Variants in PDGFD observed in about 807,000 individuals in gnomAD.
PDGFD encodes platelet-derived growth factor D.
A neutral mutation model predicts 44.7 loss-of-function variants in PDGFD; 30 were observed. The observed-to-expected ratio is 0.67, with a 90% CI of 0.50 to 0.91. PDGFD has a LOEUF of 0.91. PDGFD is among the 40% of genes least tolerant of loss of function. The pLI, the probability that PDGFD is intolerant of heterozygous loss-of-function variation, is 0.00. For synonymous variants in PDGFD, 173 were observed against 168.4 expected (o/e 1.03, Z -0.21); for missense variants, 445 against 457.8 (o/e 0.97, Z 0.25).
chr11:104,051,296 C>T (rs1252958244), intron 1 of PDGFD, among the ~76,000 whole-genome samples: 1 of 151,986 alleles, frequency 6.6e-6, no homozygotes, highest in Non-Finnish European at 1.5e-5. Flanking sequence ...CCACAAGGAC[C>T]CCAACATGAA....
chr11:104,119,049 T>TATATAATATATC lies in PDGFD; in HGVS notation c.124+44754_124+44755insGATATATTATAT, dbSNP rs1861698852. On this transcript the variant is annotated intron_variant, in intron 1 of 6. Transcript: ENST00000393158. ...TATATCGATATAATATATAATATAT[T>TATATAATATATC]GATATATTAATATAATATATTGGTA... Among the ~76,000 whole-genome samples, 2 of 720 alleles carry TATATAATATATC rather than the reference T, an allele frequency of 2.8e-3. 1 individual carries two copies. Among genetic ancestry groups the TATATAATATATC allele is most frequent in the Non-Finnish European group, 5.0e-3 (2 of 402 alleles). 0.5% of individuals were successfully genotyped at this position (720 alleles called of 152,430 possible).
intron 3 of PDGFD, among the ~76,000 whole-genome samples, chr11:103,992,366 T>C (rs762404091): frequency 6.6e-6 from 1 of 152,224 alleles, no homozygotes; most frequent in African/African-American, 2.4e-5. Context: ...GACAGATATA[T>C]ACATAATTTG....
chr11:103,919,283 T>A (rs763945050), intron 6 of PDGFD, among the ~76,000 whole-genome samples: 3 of 152,184 alleles, frequency 2.0e-5, no homozygotes, highest in Admixed American at 6.5e-5. Context: ...CCAATAAACG[T>A]CTGAATAAAT....
chr11:103,937,380 G>C (rs1858505757), intron 5 of PDGFD, among the ~76,000 whole-genome samples: 1 of 152,034 alleles, frequency 6.6e-6, no homozygotes, highest in Admixed American at 6.6e-5. Flanking sequence ...ATAAGAAAAA[G>C]AACAGATCTT....
intron 1 of PDGFD, among the ~76,000 whole-genome samples, chr11:104,059,314 T>C (rs1204391100): frequency 6.6e-6 from 1 of 152,214 alleles, no homozygotes; most frequent in African/African-American, 2.4e-5. Flanking sequence ...AAATACAATC[T>C]TCATATGTAA....
chr11:103,920,878 A>G (rs1184938900), intron 6 of PDGFD, among the ~76,000 whole-genome samples: 1 of 152,184 alleles, frequency 6.6e-6, no homozygotes, highest in Non-Finnish European at 1.5e-5. Context: ...TCAACCACCA[A>G]TTTGTTTTTA....
At position 104,036,625 on chromosome 11, in the gene PDGFD, G is replaced by A. The variant is rs940646000; in HGVS notation, c.125-36370C>T. 63 of 597,424 alleles carry A rather than the reference G, an allele frequency of 1.1e-4. No individual in the cohort carries two copies. The East Asian group carries it at 1.7e-3, about 16-fold the overall frequency. The allele number at this position is 597,424 out of a possible 1,614,324, so 37.0% of individuals were successfully genotyped here. On this transcript the variant is annotated intron_variant, in intron 1 of 6. Transcript: ENST00000393158. The stretch of plus-strand genomic sequence containing the variant: ...AACGTGCTACCTCAAGGCTCCACCT[G>A]GCCACACAGCAGGCACTGAGGCTGG...
intron 1 of PDGFD, among the ~76,000 whole-genome samples, chr11:104,014,774 G>A (rs1859836445): frequency 6.6e-6 from 1 of 152,038 alleles, no homozygotes; most frequent in Non-Finnish European, 1.5e-5. Context: ...CAATATACTG[G>A]CATCTGTCTG....
intron 3 of PDGFD, among the ~76,000 whole-genome samples, chr11:103,950,394 C>CAAAAAAAAA (rs375762671): frequency 9.3e-6 from 1 of 107,778 alleles, no homozygotes; most frequent in Admixed American, 1.1e-4. Context: ...ACTAATAATA[C>CAAAAAAAAA]AAAAAAAAAA....
chr11:104,147,037 A>G (rs1399219548), intron 1 of PDGFD, among the ~76,000 whole-genome samples: 1 of 151,828 alleles, frequency 6.6e-6, no homozygotes, highest in Non-Finnish European at 1.5e-5. Flanking sequence ...TTTAAAAACC[A>G]CTTCTTTGTT....
intron 1 of PDGFD, among the ~76,000 whole-genome samples, chr11:104,073,954 A>G (rs1860915705): frequency 6.6e-6 from 1 of 152,196 alleles, no homozygotes; most frequent in South Asian, 2.1e-4. Context: ...GCGTGACTGT[A>G]ATTTTTAAAA....
chr11:103,978,443 T>G (rs557053356), intron 3 of PDGFD, among the ~76,000 whole-genome samples: 1 of 152,200 alleles, frequency 6.6e-6, no homozygotes, highest in East Asian at 1.9e-4. Flanking sequence ...TATGGAATTA[T>G]GAAAACAAAT....
At chr11:103,975,285 TC>T (rs1859166967) in intron 3 of PDGFD, among the ~76,000 whole-genome samples, 1 of 152,246 alleles carries the variant, frequency 6.6e-6, no homozygotes, top group Non-Finnish European at 1.5e-5. Context: ...CACATAAATG[TC>T]TTCATTTGAG....
At chr11:104,069,984 A>G (rs1211042410) in intron 1 of PDGFD, among the ~76,000 whole-genome samples, 1 of 152,222 alleles carries the variant, frequency 6.6e-6, no homozygotes, top group African/African-American at 2.4e-5. Context: ...CTCCAGTATC[A>G]TAATTGTTGA....
At position 103,908,614 on chromosome 11, in the gene PDGFD, T is replaced by C. The variant is rs1429608184; in HGVS notation, c.*1080A>G. ...AATATAAAATGCCATTATAAATCCA[T>C]GTCTATATTTCAAAAAGACGGGAAC... is the stretch of plus-strand genomic sequence containing the variant. On this transcript the variant is annotated 3_prime_UTR_variant, in exon 7 of 7. Transcript: ENST00000393158. The C allele has an allele frequency of 6.6e-6, 1 of 152,226 alleles. No individual in the cohort carries two copies. Among genetic ancestry groups the C allele is most frequent in the African/African-American group, 2.4e-5 (1 of 41,462 alleles). 9.4% of individuals were successfully genotyped at this position (152,226 alleles called of 1,614,324 possible).
chr11:104,000,437 C>A (rs1859602988), intron 1 of PDGFD, among the ~76,000 whole-genome samples, 182 bp from the exon 2 acceptor site: 1 of 152,104 alleles, frequency 6.6e-6, no homozygotes, highest in Non-Finnish European at 1.5e-5. Flanking sequence ...CAATCTATGT[C>A]CAGTGACTAG....
chr11:103,967,466 T>C (rs146543501), intron 3 of PDGFD, among the ~76,000 whole-genome samples: 1 of 152,348 alleles, frequency 6.6e-6, no homozygotes, highest in African/African-American at 2.4e-5. Flanking sequence ...CTGCTCTCCA[T>C]ATCGTTGTGT....
intron 1 of PDGFD, among the ~76,000 whole-genome samples, chr11:104,128,786 A>AATAATGCACATTG (rs1363126683): frequency 6.6e-6 from 1 of 152,192 alleles, no homozygotes; most frequent in Non-Finnish European, 1.5e-5. Flanking sequence ...GATTAAATGA[A>AATAATGCACATTG]ATAATGCACA....
intron 1 of PDGFD, among the ~76,000 whole-genome samples, chr11:104,102,819 A>G (rs1861410976): frequency 6.6e-6 from 1 of 152,134 alleles, no homozygotes; most frequent in Non-Finnish European, 1.5e-5. Context: ...TCAGCAAACT[A>G]CTGCAAGGAC....
Sources: gnomAD v4.1 joint callset for allele counts (sites outside exome capture counted in the v4.1 genomes callset) on GRCh38, gnomAD v4.1.1 for gene constraint, MANE v1.5 for transcripts, NCBI Gene and HGNC (gene_info 2026-07-23, HGNC 2026-07-21) for gene names.